FAM135B: variants seen among roughly 807,000 people sequenced by gnomAD.
FAM135B encodes protein FAM135B.
In FAM135B, 43 loss-of-function variants were observed where a neutral mutation model predicts 127.7. The ratio of observed to expected loss-of-function variants is 0.34; its 90% confidence interval spans 0.26 to 0.43. The LOEUF (loss-of-function observed/expected upper bound fraction) is 0.43. Ranked by LOEUF, FAM135B falls within the 20% of genes least tolerant of loss-of-function variation. FAM135B has a pLI of 1.00. For synonymous variants in FAM135B, 670 were observed against 665.1 expected (o/e 1.01, Z -0.11); for missense variants, 1,558 against 1,725.6 (o/e 0.90, Z 1.72).
At chr8:138,174,739 C>G (rs1209523864) in intron 11 of FAM135B, among the ~76,000 whole-genome samples, 1 of 151,948 alleles carries the variant, frequency 6.6e-6, no homozygotes, top group Non-Finnish European at 1.5e-5. Context: ...CCATCTGATT[C>G]AGATCTCCAC....
chr8:138,444,822 A>G, intron 1 of FAM135B, among the ~76,000 whole-genome samples: 1 of 152,234 alleles, frequency 6.6e-6, no homozygotes, highest in East Asian at 1.9e-4. Flanking sequence ...TGAAGGAGAT[A>G]GAGACACAAA....
At chr8:138,232,266 G>T (rs1463825057) in intron 7 of FAM135B, among the ~76,000 whole-genome samples, 3 of 152,188 alleles carry the variant, frequency 2.0e-5, no homozygotes, top group Non-Finnish European at 4.4e-5. Flanking sequence ...GCCCTGGACT[G>T]TCTGGGAAGG....
At chr8:138,360,852 G>A (rs909859597) in intron 2 of FAM135B, among the ~76,000 whole-genome samples, 8 of 151,954 alleles carry the variant, frequency 5.3e-5, no homozygotes, top group Admixed American at 1.3e-4. Context: ...ATTAAAACAC[G>A]GTCTCCTAAG....
At chr8:138,163,982 C>T (rs1188827095) in intron 12 of FAM135B, among the ~76,000 whole-genome samples, 1 of 152,130 alleles carries the variant, frequency 6.6e-6, no homozygotes, top group Non-Finnish European at 1.5e-5. Context: ...GTGTGAGCCA[C>T]CATGCCCAGC....
intron 1 of FAM135B, among the ~76,000 whole-genome samples, chr8:138,487,499 TGATGCTTAATGTCTCAAGCA>T (rs1180780675): frequency 6.6e-6 from 1 of 152,060 alleles, no homozygotes; most frequent in African/African-American, 2.4e-5. Flanking sequence ...TACTTACATC[TGATGCTTAATGTCTCAAGCA>T]GAGCTGTTTC....
intron 1 of FAM135B, among the ~76,000 whole-genome samples, chr8:138,380,176 TTTTTCTTTTC>T (rs1250807300): frequency 1.5e-3 from 222 of 152,050 alleles, no homozygotes; most frequent in African/African-American, 5.1e-3. Context: ...TTTCTTTCTT[TTTTTCTTTTC>T]TTTTCTTTTC....
chr8:138,164,102 A>G (rs577388574), intron 12 of FAM135B, among the ~76,000 whole-genome samples: 1 of 152,372 alleles, frequency 6.6e-6, no homozygotes, highest in Non-Finnish European at 1.5e-5. Context: ...AGGCGTAAGT[A>G]TTAAGGTCAC....
At chr8:138,153,488 C>T (rs962432730) in intron 12 of FAM135B, among the ~76,000 whole-genome samples, 3 of 152,118 alleles carry the variant, frequency 2.0e-5, no homozygotes, top group Admixed American at 6.5e-5. Flanking sequence ...CAGGGCGGGG[C>T]ATCACCTCAC....
At chr8:138,167,720 C>G (rs1224299257) in intron 12 of FAM135B, among the ~76,000 whole-genome samples, 175 bp downstream of exon 12, 1 of 152,004 alleles carries the variant, frequency 6.6e-6, no homozygotes, top group African/African-American at 2.4e-5. Flanking sequence ...ATCGTTTTGT[C>G]TATTTCATGG....
intron 17 of FAM135B, among the ~76,000 whole-genome samples, chr8:138,140,811 AT>A (rs1817075588): frequency 6.6e-6 from 1 of 152,182 alleles, no homozygotes; most frequent in African/African-American, 2.4e-5. Context: ...GAGCACAGAG[AT>A]TAAATGTCTA....
intron 3 of FAM135B, among the ~76,000 whole-genome samples, chr8:138,295,152 G>T (rs1471067333): frequency 1.7e-5 from 2 of 117,512 alleles, no homozygotes; most frequent in Non-Finnish European, 3.2e-5. Flanking sequence ...CCTTGCCCAG[G>T]CTCCTCAATG....
At chr8:138,353,513 G>T (rs990704567) in intron 2 of FAM135B, among the ~76,000 whole-genome samples, 1 of 152,102 alleles carries the variant, frequency 6.6e-6, no homozygotes, top group Non-Finnish European at 1.5e-5. Flanking sequence ...CTCTAGCTGA[G>T]ACTCTTTTGC....
chr8:138,285,281 G>A (rs976516468), intron 3 of FAM135B, among the ~76,000 whole-genome samples: 1 of 151,226 alleles, frequency 6.6e-6, no homozygotes. Flanking sequence ...TGGGTAGCTG[G>A]AATTACAGGC....
chr8:138,466,687 T>C (rs1436036266), intron 1 of FAM135B, among the ~76,000 whole-genome samples: 1 of 152,228 alleles, frequency 6.6e-6, no homozygotes, highest in Non-Finnish European at 1.5e-5. Flanking sequence ...GCCAATGCAA[T>C]GAGTGATGTA....
chr8:138,379,182 T>C (rs1163798502), intron 1 of FAM135B, among the ~76,000 whole-genome samples: 5 of 152,102 alleles, frequency 3.3e-5, no homozygotes, highest in African/African-American at 1.2e-4. Flanking sequence ...CTCCAAGTTC[T>C]TTTTTTGGAG....
intron 11 of FAM135B, among the ~76,000 whole-genome samples, chr8:138,175,161 A>G (rs1563729594): frequency 6.6e-6 from 1 of 152,196 alleles, no homozygotes; most frequent in Non-Finnish European, 1.5e-5. Flanking sequence ...ATTTGCTGGT[A>G]AAAGAAAAAC....
chr8:138,226,177 G>GTGTA (rs1456718722), intron 7 of FAM135B, among the ~76,000 whole-genome samples: 1 of 144,612 alleles, frequency 6.9e-6, no homozygotes. Flanking sequence ...GTGTGTGTGT[G>GTGTA]TGTGTGTGCG....
chr8:138,315,242 A>C (rs1826992876), intron 2 of FAM135B, among the ~76,000 whole-genome samples: 1 of 152,188 alleles, frequency 6.6e-6, no homozygotes, highest in Non-Finnish European at 1.5e-5. Flanking sequence ...ATCACCAGGG[A>C]AACACAAATC....
intron 9 of FAM135B, among the ~76,000 whole-genome samples, chr8:138,188,838 C>G (rs11992548): frequency 6.6e-6 from 1 of 152,070 alleles, no homozygotes; most frequent in African/African-American, 2.4e-5. Context: ...TCTCTCAGGT[C>G]CACTGGAGTC....
Sources: gnomAD v4.1 joint callset for allele counts (sites outside exome capture counted in the v4.1 genomes callset) on GRCh38, gnomAD v4.1.1 for gene constraint, MANE v1.5 for transcripts, NCBI Gene and HGNC (gene_info 2026-07-23, HGNC 2026-07-21) for gene names.